The following IMPG2 variants were observed in gnomAD, a reference collection of about 807,000 sequenced individuals.
The protein encoded by IMPG2 is interphotoreceptor matrix proteoglycan 2.
Under a neutral mutation model 129.2 loss-of-function variants are expected in IMPG2, and 91 were observed. That is an observed-to-expected ratio of 0.70 (90% CI 0.59 to 0.84). The LOEUF is 0.84. Among genes scored for constraint, IMPG2 ranks in the 40% least tolerant of loss-of-function variants. The pLI, the probability that IMPG2 is intolerant of heterozygous loss-of-function variation, is 0.00. For synonymous variants in IMPG2, 510 were observed against 517.7 expected, an observed-to-expected ratio of 0.99 and a Z score of 0.20; for missense variants, 1,430 against 1,461.7, an observed-to-expected ratio of 0.98 and a Z score of 0.35.
At position 101,222,920 on chromosome 3, in the gene IMPG2, T is replaced by C. The variant is rs1706180454; in HGVS notation, c.*4049A>G. The C allele has an allele frequency of 6.6e-6, 1 of 152,212 alleles. No homozygotes were observed. The highest frequency in any genetic ancestry group is 2.1e-4 in the South Asian group (1 of 4,828). 9.4% of individuals were successfully genotyped at this position (152,212 alleles called of 1,614,324 possible). ...TAATCTTTAAAGAAGTAATTAAACA[T>C]GAGAATAAAAACACCAGGATGAGGA... On this transcript the variant is annotated 3_prime_UTR_variant, in exon 19 of 19. Coordinates refer to ENST00000193391, the MANE Select transcript of IMPG2 (RefSeq NM_016247.4).
chr3:101,317,033 T>C (rs1015063989), intron 2 of IMPG2, among the ~76,000 whole-genome samples: 1 of 151,916 alleles, frequency 6.6e-6, no homozygotes, highest in Non-Finnish European at 1.5e-5. Context: ...AACTAATACA[T>C]AGCGATAGAA....
intron 2 of IMPG2, among the ~76,000 whole-genome samples, chr3:101,305,433 C>T (rs938943394): frequency 2.6e-5 from 4 of 152,078 alleles, no homozygotes; most frequent in Non-Finnish European, 4.4e-5. Context: ...TTTGTCAAAA[C>T]CCATAGAATG....
At position 101,319,277 on chromosome 3, in the gene IMPG2, T is replaced by C. The variant is rs557450698; in HGVS notation, c.334+307A>G. ...CTGCCCTCATGTGAAAAAAGTTTCT[T>C]ACATAACGCACCAAAAGCTACAAAC... On this transcript the variant is annotated intron_variant, in intron 2 of 18. Transcript: ENST00000193391. Among the ~76,000 whole-genome samples the C allele has an allele frequency of 2.0e-5, 3 of 152,252 alleles. No homozygotes were observed. The South Asian group carries it at 6.2e-4, about 32-fold the overall frequency.
intron 3 of IMPG2, among the ~76,000 whole-genome samples, chr3:101,295,162 C>G (rs549361508): frequency 6.6e-6 from 1 of 152,096 alleles, no homozygotes; most frequent in Non-Finnish European, 1.5e-5. Flanking sequence ...CCCATGCCTA[C>G]GTCCTGAATG....
chr3:101,236,583 C>T (rs1184513680), intron 14 of IMPG2, among the ~76,000 whole-genome samples: 11 of 152,080 alleles, frequency 7.2e-5, no homozygotes, highest in South Asian at 2.1e-4. Context: ...TCACCTCACC[C>T]GGAAGTGCAA....
At chr3:101,253,922 G>C (rs181260126) in intron 10 of IMPG2, 141 bp from the exon 11 acceptor site, 264 of 655,836 alleles carry the variant, frequency 4.0e-4, no homozygotes, top group Admixed American at 1.5e-3. Flanking sequence ...CTTAGAAAAT[G>C]TTTGTTACTT....
chr3:101,303,041 G>A (rs974146580), intron 3 of IMPG2, among the ~76,000 whole-genome samples: 3 of 151,844 alleles, frequency 2.0e-5, no homozygotes, highest in Non-Finnish European at 2.9e-5. Flanking sequence ...TTACCTTTAC[G>A]ATATACTAAT....
intron 4 of IMPG2, 52 bp from the exon 5 acceptor site, chr3:101,276,765 A>C: frequency 7.1e-7 from 1 of 1,414,832 alleles, no homozygotes; most frequent in Non-Finnish European, 1.0e-6. Context: ...ATGAGAGTTT[A>C]TTTTGGGATT....
intron 11 of IMPG2, 65 bp from the exon 12 acceptor site, chr3:101,246,170 T>A: frequency 6.7e-7 from 1 of 1,486,180 alleles, no homozygotes; most frequent in Non-Finnish European, 9.3e-7. Flanking sequence ...TGATTTTAAA[T>A]ACCACCTATC....
In IMPG2 at chr3:101,225,674, T is replaced by C. The variant is rs924811650; in HGVS notation, c.*1295A>G. On this transcript the variant is annotated 3_prime_UTR_variant, in exon 19 of 19. Transcript: ENST00000193391. Reference sequence around the variant, plus strand: ...CAGAAATAAATCAAAATGTTCAGAATTGGTTTTGGCAAGCATGAAGACATC... The same window carrying C: ...CAGAAATAAATCAAAATGTTCAGAACTGGTTTTGGCAAGCATGAAGACATC... 2.0e-5 allele frequency: 3 copies of C among 152,226 alleles called. No homozygotes were observed. The highest frequency in any genetic ancestry group is 2.1e-4 in the South Asian group (1 of 4,832). The allele number at this position is 152,226 out of a possible 1,614,324, so 9.4% of individuals were successfully genotyped here.
Position 101,244,544 on chromosome 3 carries a change from A to T in IMPG2, c.1787T>A (p.Ile596Lys), listed in dbSNP as rs1706453560. 6.3e-7 allele frequency: 1 copy of T among 1,597,112 alleles called. No homozygotes were observed. The highest frequency in any genetic ancestry group is 8.5e-7 in the Non-Finnish European group (1 of 1,171,822). Residue 596 changes from isoleucine (I) to lysine (K), a missense_variant, in exon 13 of 19, where the codon ATA becomes AAA. Coordinates refer to ENST00000193391, the MANE Select transcript of IMPG2 (RefSeq NM_016247.4). ...CCCTGAACCTAAACCACCGTCAAATATTAACTCTTTTTCCATGGATGCATC... is the reference window on the plus strand; with the variant it reads ...CCCTGAACCTAAACCACCGTCAAATTTTAACTCTTTTTCCATGGATGCATC... The part of the protein sequence containing the change: ...LPDASMEKEL[I>K]FDGGLGSGSG...
chr3:101,290,221 G>A (rs548317469), intron 4 of IMPG2, among the ~76,000 whole-genome samples: 28 of 152,118 alleles, frequency 1.8e-4, no homozygotes, highest in African/African-American at 3.4e-4. Flanking sequence ...AACCACACCC[G>A]GCCAGGCATA....
chr3:101,281,862 T>C (rs1029437156), intron 4 of IMPG2, among the ~76,000 whole-genome samples: 8 of 152,106 alleles, frequency 5.3e-5, no homozygotes, highest in African/African-American at 1.9e-4. Flanking sequence ...GAAATGTGGG[T>C]GGTCTGTAGA....
chr3:101,308,430 T>C (rs1353365570), intron 2 of IMPG2, among the ~76,000 whole-genome samples: 1 of 152,286 alleles, frequency 6.6e-6, no homozygotes, highest in Non-Finnish European at 1.5e-5. Context: ...CCTCAATTCT[T>C]GACTTCTGTG....
chr3:101,310,754 G>T (rs561276549), intron 2 of IMPG2, among the ~76,000 whole-genome samples: 1 of 152,224 alleles, frequency 6.6e-6, no homozygotes, highest in East Asian at 1.9e-4. Context: ...AAGAAATGTA[G>T]TTGGAAGGAA....
intron 14 of IMPG2, among the ~76,000 whole-genome samples, chr3:101,241,079 A>T (rs1483550646): frequency 6.6e-6 from 1 of 152,240 alleles, no homozygotes; most frequent in African/African-American, 2.4e-5. Context: ...ACACTATCCT[A>T]AGTTCTGGCT....
chr3:101,283,486 G>A (rs916380795), intron 4 of IMPG2, among the ~76,000 whole-genome samples: 1 of 152,050 alleles, frequency 6.6e-6, no homozygotes, highest in Non-Finnish European at 1.5e-5. Context: ...TATGATGAAG[G>A]TGTTTTGTTT....
At chr3:101,268,236 T>A (rs2107245063) in intron 8 of IMPG2, among the ~76,000 whole-genome samples, 1 of 152,314 alleles carries the variant, frequency 6.6e-6, no homozygotes, top group Non-Finnish European at 1.5e-5. Flanking sequence ...CCCAAAAGCA[T>A]CCAGCCAGAA....
At chr3:101,245,040 GTT>G (rs201778066) in intron 12 of IMPG2, among the ~76,000 whole-genome samples, 7 of 146,358 alleles carry the variant, frequency 4.8e-5, no homozygotes, top group African/African-American at 1.5e-4. Context: ...TCAAACACTT[GTT>G]TTTTTTTTTA....
Sources: gnomAD v4.1 joint callset for allele counts (sites outside exome capture counted in the v4.1 genomes callset) on GRCh38, gnomAD v4.1.1 for gene constraint, MANE v1.5 for transcripts, NCBI Gene and HGNC (gene_info 2026-07-23, HGNC 2026-07-21) for gene names.